The following CELF2 variants were observed in gnomAD, a reference collection of about 807,000 sequenced individuals.
CELF2 encodes CUGBP Elav-like family member 2, also known as CUG triplet repeat RNA-binding protein 2.
Under a neutral mutation model 62.6 loss-of-function variants are expected in CELF2, and 8 were observed. The ratio of observed to expected loss-of-function variants is 0.13; its 90% CI spans 0.07 to 0.23. The LOEUF (loss-of-function observed/expected upper bound fraction) is 0.23, where lower values mean the gene tolerates loss of function less well. Among genes scored for constraint, CELF2 ranks in the 10% least tolerant of loss-of-function variants. The pLI, the probability that CELF2 is intolerant of heterozygous loss-of-function variation, is 1.00. For missense variants in CELF2, 333 were observed against 671.0 expected, an observed-to-expected ratio of 0.50 and a Z score of 5.56; for synonymous variants, 258 against 250.0, an observed-to-expected ratio of 1.03 and a Z score of -0.30.
chr10:11,311,687 T>C lies in CELF2; in HGVS notation c.977-2452T>C, dbSNP rs956434650. ...GAAAAAATATAATCAAATTGTAAAA[T>C]TTGGAGATGTAAGTTTAGCGGAACA... On this transcript the variant is annotated intron_variant, in intron 9 of 12. Coordinates refer to ENST00000633077, the MANE Select transcript of CELF2 (RefSeq NM_001326342.2). This position sits in a 1 kb window ranked among gnomAD's most constrained non-coding sequence, Gnocchi z 4.7. Among the ~76,000 whole-genome samples, 11 of 151,942 alleles carry C rather than the reference T, an allele frequency of 7.2e-5. No individual in the cohort carries two copies. The highest frequency in any genetic ancestry group is 2.7e-4 in the African/African-American group (11 of 41,342).
chr10:11,170,486 G>A (rs1336382943), intron 2 of CELF2, among the ~76,000 whole-genome samples: 1 of 152,194 alleles, frequency 6.6e-6, no homozygotes, highest in Non-Finnish European at 1.5e-5. Flanking sequence ...TCTGGAGTGG[G>A]CCCTGATGGT....
At chr10:10,500,257 A>C in the CELF2 span, among the ~76,000 whole-genome samples, 4 of 152,240 alleles carry the variant, frequency 2.6e-5, no homozygotes, top group Non-Finnish European at 5.9e-5. Context: ...ACATATAGTT[A>C]CAAGAAATAA....
the CELF2 span, among the ~76,000 whole-genome samples, chr10:10,529,387 A>G: frequency 3.3e-5 from 5 of 152,162 alleles, no homozygotes; most frequent in Non-Finnish European, 5.9e-5. Flanking sequence ...GCTGGGGTAG[A>G]AAGAAGGTGA....
At chr10:10,799,498 AAG>A (rs2054429895) in intron 1 of CELF2, among the ~76,000 whole-genome samples, 1 of 152,054 alleles carries the variant, frequency 6.6e-6, no homozygotes, top group Non-Finnish European at 1.5e-5. Flanking sequence ...AATTTAAAAA[AAG>A]AGTAAAGAAA....
At chr10:10,971,822 G>C (rs891526530) in intron 2 of CELF2, among the ~76,000 whole-genome samples, 3 of 152,110 alleles carry the variant, frequency 2.0e-5, no homozygotes, top group African/African-American at 7.2e-5. Flanking sequence ...CCTGACCTCA[G>C]GTGATCCACC....
intron 2 of CELF2, among the ~76,000 whole-genome samples, chr10:10,964,229 C>T (rs1297913252): frequency 6.6e-6 from 1 of 152,122 alleles, no homozygotes; most frequent in Non-Finnish European, 1.5e-5. Context: ...TTCTCAGGCT[C>T]CCCTTTTGCA....
intron 1 of CELF2, among the ~76,000 whole-genome samples, chr10:10,799,431 C>T (rs1264974276): frequency 6.6e-6 from 1 of 151,992 alleles, no homozygotes; most frequent in Admixed American, 6.6e-5. Context: ...TTGCAGTGAG[C>T]AGAGATCACA....
chr10:11,065,565 A>AG (rs1296168622), intron 1 of CELF2, among the ~76,000 whole-genome samples: 3 of 152,118 alleles, frequency 2.0e-5, no homozygotes, highest in Non-Finnish European at 4.4e-5. Context: ...TGTCAAAATG[A>AG]GGGGGGGATC....
intron 3 of CELF2, among the ~76,000 whole-genome samples, chr10:11,233,141 C>A (rs1047466830): frequency 6.6e-6 from 1 of 152,170 alleles, no homozygotes; most frequent in Non-Finnish European, 1.5e-5. Flanking sequence ...ACCAGCTGTT[C>A]AGGCCCAACA....
chr10:11,227,878 C>T lies in CELF2; in HGVS notation c.354+10371C>T, dbSNP rs1216530115. On this transcript the variant is annotated intron_variant, in intron 3 of 12. Coordinates refer to ENST00000633077, the MANE Select transcript of CELF2 (RefSeq NM_001326342.2). The surrounding 1 kb of genome is among the most constrained non-coding windows in gnomAD (Gnocchi z 4.8). ...GAGGCTTAACTGAGTGACTGTGGGT[C>T]GCTGGGTGTATTTTAATCTGTGACA... is the stretch of plus-strand genomic sequence containing the variant. Among the ~76,000 whole-genome samples the T allele has an allele frequency of 6.6e-6, 1 of 152,108 alleles. No homozygotes were observed. The highest frequency in any genetic ancestry group is 2.4e-5 in the African/African-American group (1 of 41,414).
the CELF2 span, among the ~76,000 whole-genome samples, chr10:10,535,541 A>G: frequency 6.6e-6 from 1 of 152,096 alleles, no homozygotes; most frequent in Non-Finnish European, 1.5e-5. Context: ...AAGATGGTGA[A>G]ACCCCATCTC....
At position 11,237,344 on chromosome 10, in the gene CELF2, G is replaced by A. The variant is rs1447991277; in HGVS notation, c.355-11809G>A. 1.3e-5 allele frequency among the ~76,000 whole-genome samples: 2 copies of A among 152,146 alleles called. No homozygotes were observed. The highest frequency in any genetic ancestry group is 2.9e-5 in the Non-Finnish European group (2 of 68,028). ...CGGGGTTGATGTCCCCATAAGCCGT[G>A]GTCTCTGTCCAGCTTCTCAAGTTCT... On this transcript the variant is annotated intron_variant, in intron 3 of 12. Coordinates refer to ENST00000633077, the MANE Select transcript of CELF2 (RefSeq NM_001326342.2). The surrounding 1 kb of genome is among the most constrained non-coding windows in gnomAD (Gnocchi z 4.0).
intron 3 of CELF2, among the ~76,000 whole-genome samples, chr10:11,218,740 C>A (rs1157203153): frequency 6.6e-6 from 1 of 152,232 alleles, no homozygotes. Context: ...TCTGAAACTG[C>A]TAAGGTGGTT....
the CELF2 span, among the ~76,000 whole-genome samples, chr10:10,622,859 C>T: frequency 2.6e-5 from 4 of 151,148 alleles, no homozygotes; most frequent in South Asian, 4.2e-4. Context: ...TTTGGGAGGC[C>T]GAGGTGGGTG....
rs530076135 is a variant in CELF2 at position 11,223,877 on chromosome 10, A to T, written c.354+6370A>T. On this transcript the variant is annotated intron_variant, in intron 3 of 12. Coordinates refer to ENST00000633077, the MANE Select transcript of CELF2 (RefSeq NM_001326342.2). The surrounding 1 kb of genome is among the most constrained non-coding windows in gnomAD (Gnocchi z 5.1). Reference sequence around the variant, plus strand: ...CAGGGCAATGGGAAAGTATATTTTAATGCTTAATAAAAGGCCATTACAAAT... The same window carrying T: ...CAGGGCAATGGGAAAGTATATTTTATTGCTTAATAAAAGGCCATTACAAAT... 5.0e-4 allele frequency among the ~76,000 whole-genome samples: 76 copies of T among 152,172 alleles called. No individual in the cohort carries two copies. Among genetic ancestry groups the T allele is most frequent in the Non-Finnish European group, 9.7e-4 (66 of 68,024 alleles).
chr10:10,685,578 A>G, the CELF2 span, among the ~76,000 whole-genome samples: 4 of 152,212 alleles, frequency 2.6e-5, no homozygotes, highest in African/African-American at 4.8e-5. Context: ...ACTAACACAC[A>G]GGGCTTTTGA....
chr10:11,248,762 T>C (rs1246773757), intron 3 of CELF2, among the ~76,000 whole-genome samples: 2 of 152,230 alleles, frequency 1.3e-5, no homozygotes, highest in South Asian at 4.1e-4. Flanking sequence ...AGGTGTTACC[T>C]CCATCTCACA....
chr10:10,512,038 A>C, the CELF2 span, among the ~76,000 whole-genome samples: 1 of 152,334 alleles, frequency 6.6e-6, no homozygotes, highest in East Asian at 1.9e-4. Context: ...GGGATGTCAA[A>C]ATCAGTATAT....
At chr10:10,694,443 A>G in the CELF2 span, among the ~76,000 whole-genome samples, 3 of 151,962 alleles carry the variant, frequency 2.0e-5, no homozygotes, top group Admixed American at 6.6e-5. Context: ...TATGTGGTCA[A>G]TTTTGGAATT....
Sources: gnomAD v4.1 joint callset for allele counts (sites outside exome capture counted in the v4.1 genomes callset) on GRCh38, gnomAD v4.1.1 for gene constraint, Gnocchi (gnomAD v3.1) non-coding constraint, MANE v1.5 for transcripts, NCBI Gene and HGNC (gene_info 2026-07-23, HGNC 2026-07-21) for gene names.